Variants in NPAS3 observed in about 807,000 individuals in gnomAD.
NPAS3 encodes the protein neuronal PAS domain protein 3.
Under a neutral mutation model 73.1 loss-of-function variants are expected in NPAS3, and 14 were observed. That is an observed-to-expected ratio of 0.19 (90% CI 0.13 to 0.30). NPAS3 has a LOEUF of 0.30. Ranked by LOEUF, NPAS3 falls within the 10% of genes least tolerant of loss-of-function variation. The probability of loss-of-function intolerance (pLI) is 1.00; values close to 1 mark genes in which losing one functional copy is unlikely to be tolerated. For missense variants in NPAS3, 1,096 were observed against 1,250.0 expected (o/e 0.88, Z 1.86); for synonymous variants, 620 against 541.5 (o/e 1.14, Z -2.01).
intron 3 of NPAS3, among the ~76,000 whole-genome samples, chr14:33,351,501 T>C (rs188251614): frequency 5.9e-5 from 9 of 152,262 alleles, no homozygotes; most frequent in African/African-American, 2.2e-4. Flanking sequence ...TCCCAATGCC[T>C]ACCATGTATA....
intron 1 of NPAS3, among the ~76,000 whole-genome samples, chr14:33,026,123 G>A (rs932339745): frequency 1.3e-5 from 2 of 152,082 alleles, no homozygotes; most frequent in Non-Finnish European, 2.9e-5. Context: ...AAATCAATAA[G>A]AGGCATATGT....
intron 1 of NPAS3, among the ~76,000 whole-genome samples, chr14:32,998,521 T>C (rs2038677417): frequency 6.6e-6 from 1 of 152,202 alleles, no homozygotes; most frequent in Admixed American, 6.5e-5. Flanking sequence ...TAATGTTGTA[T>C]CATGTGAATT....
At chr14:33,785,015 G>C (rs1013883786) in intron 9 of NPAS3, among the ~76,000 whole-genome samples, 3 of 151,564 alleles carry the variant, frequency 2.0e-5, no homozygotes, top group African/African-American at 7.3e-5. Context: ...CTCCCAACGG[G>C]CTGGGATTAC....
chr14:33,639,046 A>G (rs1032105486), intron 5 of NPAS3, among the ~76,000 whole-genome samples: 7 of 152,228 alleles, frequency 4.6e-5, no homozygotes, highest in African/African-American at 1.7e-4. Flanking sequence ...AATGTAATAC[A>G]TCACAAAGGT....
chr14:32,969,328 G>A (rs1186468734), intron 1 of NPAS3, among the ~76,000 whole-genome samples: 1 of 152,102 alleles, frequency 6.6e-6, no homozygotes, highest in Non-Finnish European at 1.5e-5. Flanking sequence ...ACCCTGGTGC[G>A]GTGTGGGTGG....
chr14:33,198,531 A>G (rs2046472051), intron 2 of NPAS3, among the ~76,000 whole-genome samples: 1 of 152,198 alleles, frequency 6.6e-6, no homozygotes, highest in South Asian at 2.1e-4. Flanking sequence ...GTGCGTTTGC[A>G]AACCTTGAGC....
chr14:33,541,031 T>G (rs2054487144), intron 4 of NPAS3, among the ~76,000 whole-genome samples: 3 of 151,926 alleles, frequency 2.0e-5, no homozygotes, highest in Admixed American at 6.6e-5. Context: ...GCATCCATGA[T>G]CAACCAGTTC....
intron 7 of NPAS3, among the ~76,000 whole-genome samples, chr14:33,754,645 A>G (rs2062060872): frequency 6.6e-6 from 1 of 152,210 alleles, no homozygotes; most frequent in Non-Finnish European, 1.5e-5. Flanking sequence ...ACAGAGGTAC[A>G]AACAGGTAAT....
chr14:33,238,548 G>T (rs1266536618), intron 3 of NPAS3, among the ~76,000 whole-genome samples: 1 of 151,962 alleles, frequency 6.6e-6, no homozygotes, highest in Non-Finnish European at 1.5e-5. Context: ...TAGTTTGAAT[G>T]ACCTAGTATA....
chr14:33,500,101 G>A (rs1490374211), intron 4 of NPAS3, among the ~76,000 whole-genome samples: 3 of 151,890 alleles, frequency 2.0e-5, no homozygotes, highest in Non-Finnish European at 2.9e-5. Flanking sequence ...AAAACGGAAG[G>A]GAGTTTGAGG....
intron 1 of NPAS3, among the ~76,000 whole-genome samples, chr14:32,943,933 GC>G (rs1375883498): frequency 6.6e-6 from 1 of 152,034 alleles, no homozygotes. Flanking sequence ...CAGGTGATCT[GC>G]CTGCCTCAGC....
intron 2 of NPAS3, among the ~76,000 whole-genome samples, chr14:33,109,694 T>A (rs1284029223): frequency 6.6e-6 from 1 of 152,126 alleles, no homozygotes; most frequent in African/African-American, 2.4e-5. Flanking sequence ...GATACCGTAT[T>A]GAGCACAGAT....
chr14:33,574,802 T>C (rs2056367743), intron 5 of NPAS3, among the ~76,000 whole-genome samples: 1 of 151,992 alleles, frequency 6.6e-6, no homozygotes, highest in Non-Finnish European at 1.5e-5. Flanking sequence ...GGGTTATCTC[T>C]TCCTCTTCTG....
chr14:33,450,879 A>G (rs942798404), intron 4 of NPAS3, among the ~76,000 whole-genome samples: 4 of 152,216 alleles, frequency 2.6e-5, no homozygotes, highest in South Asian at 2.1e-4. Flanking sequence ...TTTTTACTAC[A>G]TAAAAACTCA....
rs143188023 is a variant in NPAS3, at chr14:33,473,159, C to T, written c.469-86962C>T. Among the ~76,000 whole-genome samples, 400 of 152,250 alleles carry T rather than the reference C, an allele frequency of 2.6e-3. 1 individual carries two copies. Among genetic ancestry groups the T allele is most frequent in the African/African-American group, 9.2e-3 (382 of 41,570 alleles). On this transcript the variant is annotated intron_variant, in intron 4 of 11. Coordinates refer to ENST00000356141, the Ensembl canonical transcript of NPAS3. ...TTGTCAAGGAGAACCGGGAGGTTGGCTGATGGAAACTGGGAAATTGGCAGA... is the reference window on the plus strand; with the variant it reads ...TTGTCAAGGAGAACCGGGAGGTTGGTTGATGGAAACTGGGAAATTGGCAGA...
intron 4 of NPAS3, among the ~76,000 whole-genome samples, chr14:33,432,205 G>A (rs1425611718): frequency 1.3e-5 from 2 of 152,142 alleles, no homozygotes; most frequent in Admixed American, 1.3e-4. Flanking sequence ...AATAAAAGGA[G>A]CGAGTTTGTA....
intron 1 of NPAS3, among the ~76,000 whole-genome samples, chr14:32,944,706 A>G (rs141710880): frequency 2.0e-4 from 31 of 152,348 alleles, no homozygotes; most frequent in African/African-American, 6.3e-4. Context: ...TATTAGTAAT[A>G]CTACAATGCA....
chr14:33,308,784 T>C lies in NPAS3; in HGVS notation c.386-58402T>C, dbSNP rs2042886709. Reference sequence around the variant, plus strand: ...GTTCACCACAACATACTGGGAAGTTTTGGATAAAAGCCTTTTTAAAAAAAT... The same window carrying C: ...GTTCACCACAACATACTGGGAAGTTCTGGATAAAAGCCTTTTTAAAAAAAT... On this transcript the variant is annotated intron_variant, in intron 3 of 11. Transcript: ENST00000356141. Among the ~76,000 whole-genome samples the C allele has an allele frequency of 2.6e-5, 4 of 151,946 alleles. No homozygotes were observed. The South Asian group carries it at 8.3e-4, about 32-fold the overall frequency.
At chr14:33,338,781 T>G (rs1488489045) in intron 3 of NPAS3, among the ~76,000 whole-genome samples, 1 of 152,190 alleles carries the variant, frequency 6.6e-6, no homozygotes, top group Admixed American at 6.5e-5. Flanking sequence ...CCATTATACA[T>G]TTTATTAGGG....
Sources: allele counts gnomAD v4.1 joint callset (sites outside exome capture counted in the v4.1 genomes callset), GRCh38; gene constraint gnomAD v4.1.1; transcripts MANE v1.5; gene names NCBI Gene and HGNC (gene_info 2026-07-23, HGNC 2026-07-21).